ZNF232: variants seen among roughly 807,000 people sequenced by gnomAD.
ZNF232 encodes zinc finger and SCAN domain-containing protein 11.
ZNF232 carries 25 observed loss-of-function variants against 25.2 expected under a neutral mutation model. The observed-to-expected ratio is 0.99, with a 90% confidence interval of 0.72 to 1.39. ZNF232 has a LOEUF of 1.39. ZNF232 is among the 40% of genes most tolerant of loss of function. ZNF232 has a pLI of 0.00. For missense variants in ZNF232, 519 were observed against 520.9 expected (o/e 1.00, Z 0.04); for synonymous variants, 193 against 182.9 (o/e 1.06, Z -0.45).
intron 3 of ZNF232, among the ~76,000 whole-genome samples, chr17:5,107,202 C>G (rs927465046): frequency 6.6e-6 from 1 of 151,608 alleles, no homozygotes; most frequent in African/African-American, 2.4e-5. Flanking sequence ...TCCTGGCCAA[C>G]ACGGTGAAAC....
chr17:5,115,562 AC>A (rs2072513441), upstream of ZNF232, among the ~76,000 whole-genome samples: 3 of 151,548 alleles, frequency 2.0e-5, no homozygotes, highest in African/African-American at 7.3e-5. Flanking sequence ...AAAAACACAC[AC>A]ACACACACAC....
At chr17:5,111,486 C>T in intron 1 of ZNF232, 1 of 474,898 alleles carries the variant, frequency 2.1e-6, no homozygotes, top group East Asian at 3.5e-5. Flanking sequence ...CTTCTCTACC[C>T]CGGCCTCGGG....
chr17:5,107,090 AG>A (rs2072277226), intron 3 of ZNF232, among the ~76,000 whole-genome samples: 1 of 151,696 alleles, frequency 6.6e-6, no homozygotes, highest in Non-Finnish European at 1.5e-5. Flanking sequence ...TTCCTTAAAA[AG>A]GGAAAAAGAG....
chr17:5,121,174 G>A (rs1270343903), intron 1 of ZNF232, among the ~76,000 whole-genome samples: 2 of 152,158 alleles, frequency 1.3e-5, no homozygotes, highest in East Asian at 1.9e-4. Context: ...GCCGCAGTTC[G>A]GTAGGGGTAA....
In ZNF232 at chr17:5,111,827, G is replaced by T. The variant is rs370562373; in HGVS notation, c.-5C>A. The T allele has an allele frequency of 1.5e-5, 25 of 1,613,840 alleles. 1 individual carries two copies. In the South Asian group the frequency reaches 2.6e-4, roughly 17 times the overall value. On this transcript the variant is annotated 5_prime_UTR_variant, in exon 1 of 4. Coordinates refer to ENST00000575898, the Ensembl canonical transcript of ZNF232. ...CACAGGACCAGGAGGTTCCATCGGG[G>T]CGCTGCCGCGAATCGCGCCACTTAC...
intron 1 of ZNF232, chr17:5,111,382 G>T: frequency 4.0e-6 from 1 of 251,494 alleles, no homozygotes; most frequent in Non-Finnish European, 7.6e-6. Context: ...GGAGCACAAA[G>T]GGGGACCGCT....
chr17:5,106,104 A>G (rs1478903043), exon 4 of ZNF232: 1 of 1,614,182 alleles, frequency 6.2e-7, no homozygotes, highest in African/African-American at 1.3e-5. Flanking sequence ...TCCTGTATGA[A>G]TTCTCTGATG....
intron 1 of ZNF232, among the ~76,000 whole-genome samples, chr17:5,117,733 T>C (rs2072567630): frequency 6.6e-6 from 1 of 151,908 alleles, no homozygotes; most frequent in South Asian, 2.1e-4. Flanking sequence ...CAGGGAGGCA[T>C]GTTAGGAGGC....
chr17:5,110,951 C>A (rs1012701549), intron 1 of ZNF232: 2 of 152,172 alleles, frequency 1.3e-5, no homozygotes, highest in African/African-American at 4.8e-5. Context: ...TAAGTGGCCA[C>A]ATTCTTGTGA....
intron 1 of ZNF232, chr17:5,111,279 AACTTTTCCCTTTGTC>A (rs1346161887): frequency 6.4e-6 from 1 of 155,874 alleles, no homozygotes; most frequent in Non-Finnish European, 1.4e-5. Flanking sequence ...TTCCAAGCTT[AACTTTTCCCTTTGTC>A]ATAGTAAGTT....
chr17:5,122,690 C>A (rs1010954633), intron 1 of ZNF232, among the ~76,000 whole-genome samples: 3 of 152,202 alleles, frequency 2.0e-5, no homozygotes, highest in Non-Finnish European at 4.4e-5. Context: ...ACAAAAGCAG[C>A]TGCCCGCGCC....
At chr17:5,111,709 G>C in intron 1 of ZNF232, 91 bp downstream of exon 1, 3 of 1,601,748 alleles carry the variant, frequency 1.9e-6, no homozygotes, top group East Asian at 2.2e-5. Flanking sequence ...CTGCCTGCCA[G>C]GCCTGCTCAC....
chr17:5,108,429 T>C (rs1311825729), intron 3 of ZNF232, among the ~76,000 whole-genome samples: 1 of 151,882 alleles, frequency 6.6e-6, no homozygotes, highest in Non-Finnish European at 1.5e-5. Context: ...GCTGTTTACA[T>C]GAGGAAGAGG....
intron 1 of ZNF232, among the ~76,000 whole-genome samples, chr17:5,122,727 G>A (rs1339378687): frequency 7.9e-5 from 12 of 152,226 alleles, no homozygotes; most frequent in Admixed American, 3.3e-4. Flanking sequence ...GCCCAGCCCC[G>A]GAAATGGGAC....
chr17:5,116,294 C>G (rs2072536162), upstream of ZNF232: 1 of 154,414 alleles, frequency 6.5e-6, no homozygotes, highest in South Asian at 2.0e-4. Flanking sequence ...GCCCCCCTCA[C>G]CACTCCCGGC....
chr17:5,109,036 T>C lies in ZNF232; in HGVS notation c.515A>G (p.His172Arg), dbSNP rs1339269495. The C allele has an allele frequency of 3.7e-6, 6 of 1,613,998 alleles. No individual in the cohort carries two copies. The Admixed American group carries it at 6.7e-5, about 18-fold the overall frequency. ...CCATGGCTCTTCCTGTGCAGGTCCATGTGCAGGGCCTGGGACCTGGAGGTG... is the reference window on the plus strand; with the variant it reads ...CCATGGCTCTTCCTGTGCAGGTCCACGTGCAGGGCCTGGGACCTGGAGGTG... The change falls in exon 3 of 4, where the codon CAT becomes CGT. Residue 172 changes from histidine to arginine, a missense_variant. Coordinates refer to ENST00000575898, the Ensembl canonical transcript of ZNF232.
exon 4 of ZNF232, chr17:5,106,452 G>C (rs1053225972): frequency 5.6e-6 from 9 of 1,614,192 alleles, no homozygotes; most frequent in Non-Finnish European, 7.6e-6. Flanking sequence ...TTCAGTAATG[G>C]GTGGTTGTGG....
chr17:5,106,325 C>A, exon 4 of ZNF232: 2 of 1,614,230 alleles, frequency 1.2e-6, no homozygotes, highest in Non-Finnish European at 1.7e-6. Context: ...GGGCAGGGGA[C>A]CACCTCAGTC....
At chr17:5,118,952 A>T (rs933374551) in intron 1 of ZNF232, among the ~76,000 whole-genome samples, 1 of 152,162 alleles carries the variant, frequency 6.6e-6, no homozygotes, top group Non-Finnish European at 1.5e-5. Flanking sequence ...TTCAGAAAGA[A>T]CCAATCGGGA....
Sources: gnomAD v4.1 joint callset for allele counts (sites outside exome capture counted in the v4.1 genomes callset) on GRCh38, gnomAD v4.1.1 for gene constraint, MANE v1.5 for transcripts, NCBI Gene and HGNC (gene_info 2026-07-23, HGNC 2026-07-21) for gene names.